TFAP2D: variants seen among roughly 807,000 people sequenced by gnomAD.
The protein encoded by TFAP2D is transcription factor AP-2-delta.
In TFAP2D, 9 loss-of-function variants were observed where a neutral mutation model predicts 43.6. The ratio of observed to expected loss-of-function variants is 0.21; its 90% confidence interval spans 0.12 to 0.36. The LOEUF (loss-of-function observed/expected upper bound fraction) is 0.36, where lower values mean the gene tolerates loss of function less well. Among genes scored for constraint, TFAP2D ranks in the 10% least tolerant of loss-of-function variants. TFAP2D has a pLI of 1.00. For missense variants in TFAP2D, 513 were observed against 561.4 expected (o/e 0.91, Z 0.87); for synonymous variants, 256 against 224.9 (o/e 1.14, Z -1.24).
intron 5 of TFAP2D, among the ~76,000 whole-genome samples, chr6:50,741,457 AC>A (rs1769044272): frequency 1.3e-5 from 2 of 151,716 alleles, no homozygotes. Context: ...CCTCCAGAAG[AC>A]CCCTGTATGT....
At chr6:50,726,593 T>A (rs1292842277) in intron 3 of TFAP2D, among the ~76,000 whole-genome samples, 1 of 152,206 alleles carries the variant, frequency 6.6e-6, no homozygotes, top group East Asian at 1.9e-4. Context: ...AGACATTGAT[T>A]TCTCTTTGTT....
At chr6:50,742,273 G>A (rs1376369982) in intron 5 of TFAP2D, among the ~76,000 whole-genome samples, 1 of 151,892 alleles carries the variant, frequency 6.6e-6, no homozygotes, top group African/African-American at 2.4e-5. Flanking sequence ...CTGTAACAAT[G>A]TTATATCACA....
chr6:50,713,912 A>G lies in TFAP2D; in HGVS notation c.-144A>G. 7.6e-7 allele frequency: 1 copy of G among 1,308,232 alleles called. No homozygotes were observed. Among genetic ancestry groups the G allele is most frequent in the Non-Finnish European group, 1.1e-6 (1 of 924,998 alleles). 81.0% of individuals were successfully genotyped at this position (1,308,232 alleles called of 1,614,324 possible). On this transcript the variant is annotated 5_prime_UTR_variant, in exon 1 of 8. Coordinates refer to ENST00000008391, the MANE Select transcript of TFAP2D (RefSeq NM_172238.4). ...AGGCAAGGAGCTATCTGATCCGGGC[A>G]AAACCATTACAATTTAGATATCTAC... is the stretch of plus-strand genomic sequence containing the variant.
chr6:50,730,468 T>C (rs1220222477), intron 5 of TFAP2D, among the ~76,000 whole-genome samples: 2 of 152,028 alleles, frequency 1.3e-5, no homozygotes, highest in Admixed American at 6.6e-5. Context: ...ATATGGTAGA[T>C]GGCTTTAACC....
rs1362365928 is a variant in TFAP2D at position 50,746,198 on chromosome 6, T to A, written c.1025+950T>A. Reference sequence around the variant, plus strand: ...TTTCAGCTGGTTAAACTGTCATTTATGAACTAATTTTTTATTCAGGGAAAA... The same window carrying A: ...TTTCAGCTGGTTAAACTGTCATTTAAGAACTAATTTTTTATTCAGGGAAAA... On this transcript the variant is annotated intron_variant, in intron 6 of 7. Transcript: ENST00000008391. Among the ~76,000 whole-genome samples the A allele has an allele frequency of 2.6e-5, 4 of 152,100 alleles. No individual in the cohort carries two copies. The East Asian group carries it at 5.8e-4, about 22-fold the overall frequency.
intron 7 of TFAP2D, among the ~76,000 whole-genome samples, chr6:50,762,329 G>T (rs1272041578): frequency 3.3e-5 from 5 of 151,388 alleles, no homozygotes; most frequent in Non-Finnish European, 7.4e-5. Flanking sequence ...CATTTTACAA[G>T]TCCACAGGTG....
chr6:50,737,343 T>C (rs1211584786), intron 5 of TFAP2D, among the ~76,000 whole-genome samples: 1 of 152,206 alleles, frequency 6.6e-6, no homozygotes. Flanking sequence ...TGTCTAACTT[T>C]TATTGAATAA....
intron 7 of TFAP2D, among the ~76,000 whole-genome samples, chr6:50,751,912 C>T (rs1293313132): frequency 6.6e-6 from 1 of 151,804 alleles, no homozygotes; most frequent in African/African-American, 2.4e-5. Flanking sequence ...GTTAGGAAAT[C>T]ATTACTTTAC....
chr6:50,728,795 C>G (rs1326735269), intron 3 of TFAP2D, 61 bp from the exon 4 acceptor site: 3 of 1,522,280 alleles, frequency 2.0e-6, no homozygotes, highest in Non-Finnish European at 2.7e-6. Flanking sequence ...TGTTAACTGC[C>G]TCTCATGCAG....
chr6:50,761,647 CT>C (rs2113892374), intron 7 of TFAP2D, among the ~76,000 whole-genome samples: 1 of 152,090 alleles, frequency 6.6e-6, no homozygotes, highest in Admixed American at 6.6e-5. Flanking sequence ...AATTGCTTTA[CT>C]GGTCTAATTT....
chr6:50,741,604 A>G (rs1769046793), intron 5 of TFAP2D, among the ~76,000 whole-genome samples: 1 of 152,130 alleles, frequency 6.6e-6, no homozygotes, highest in African/African-American at 2.4e-5. Context: ...CAGAAATACC[A>G]TTCTATCCTA....
chr6:50,732,964 G>A (rs1431831840), intron 5 of TFAP2D, among the ~76,000 whole-genome samples: 2 of 151,974 alleles, frequency 1.3e-5, no homozygotes, highest in Non-Finnish European at 1.5e-5. Context: ...ATTATTCTTA[G>A]AAATCATTTT....
chr6:50,717,545 T>C (rs1306722005), intron 2 of TFAP2D, among the ~76,000 whole-genome samples: 1 of 152,202 alleles, frequency 6.6e-6, no homozygotes, highest in Non-Finnish European at 1.5e-5. Flanking sequence ...GAATGTCCTT[T>C]TTCTCTTTTA....
At chr6:50,761,601 A>G (rs1769365408) in intron 7 of TFAP2D, among the ~76,000 whole-genome samples, 1 of 152,070 alleles carries the variant, frequency 6.6e-6, no homozygotes, top group African/African-American at 2.4e-5. Flanking sequence ...TCAGGAGAGG[A>G]TTCCATAGAA....
chr6:50,746,299 C>T (rs950907308), intron 6 of TFAP2D, among the ~76,000 whole-genome samples: 6 of 151,978 alleles, frequency 3.9e-5, no homozygotes, highest in African/African-American at 1.4e-4. Flanking sequence ...TACAGTGGTG[C>T]GATCATGGCT....
intron 7 of TFAP2D, among the ~76,000 whole-genome samples, chr6:50,766,889 C>T (rs543388838): frequency 6.6e-6 from 1 of 151,822 alleles, no homozygotes; most frequent in South Asian, 2.1e-4. Flanking sequence ...AGGATGGTCT[C>T]GATCTCCTGA....
chr6:50,727,698 G>C (rs1768828816), intron 3 of TFAP2D, among the ~76,000 whole-genome samples: 2 of 152,028 alleles, frequency 1.3e-5, no homozygotes, highest in Non-Finnish European at 2.9e-5. Flanking sequence ...TCTGGATATG[G>C]GTTGTAAGAT....
At chr6:50,769,474 G>A (rs1443119616) in intron 7 of TFAP2D, among the ~76,000 whole-genome samples, 1 of 152,186 alleles carries the variant, frequency 6.6e-6, no homozygotes, top group East Asian at 1.9e-4. Context: ...GAACAAGAAA[G>A]CCCATCAGTC....
intron 5 of TFAP2D, among the ~76,000 whole-genome samples, chr6:50,740,476 C>A (rs774922312): frequency 8.5e-5 from 13 of 152,072 alleles, no homozygotes; most frequent in African/African-American, 2.7e-4. Flanking sequence ...CTTTGTCGCC[C>A]AGGCTGGAGT....
Sources: allele counts gnomAD v4.1 joint callset (sites outside exome capture counted in the v4.1 genomes callset), GRCh38; gene constraint gnomAD v4.1.1; transcripts MANE v1.5; gene names NCBI Gene and HGNC (gene_info 2026-07-23, HGNC 2026-07-21).